The following CEP83 variants were observed in gnomAD, a reference collection of about 807,000 sequenced individuals.
CEP83 encodes centrosomal protein of 83 kDa.
A neutral mutation model predicts 101.9 loss-of-function variants in CEP83; 70 were observed. The observed-to-expected ratio is 0.69, with a 90% CI of 0.57 to 0.84. The LOEUF is 0.84. CEP83 is among the 40% of genes least tolerant of loss of function. CEP83 has a pLI of 0.00. For missense variants in CEP83, 715 were observed against 787.2 expected (o/e 0.91, Z 1.10); for synonymous variants, 264 against 267.9 (o/e 0.99, Z 0.14).
At chr12:94,300,461 G>A in the CEP83 span, among the ~76,000 whole-genome samples, 16 of 152,262 alleles carry the variant, frequency 1.1e-4, no homozygotes, top group Admixed American at 7.2e-4. Flanking sequence ...TGGAATGAGC[G>A]CGGTGAGGAG....
the CEP83 span, chr12:94,272,168 C>T: frequency 6.6e-6 from 1 of 152,120 alleles, no homozygotes; most frequent in Non-Finnish European, 1.5e-5. Context: ...GGCATCATTC[C>T]CAAATCAATC....
At chr12:94,327,953 A>T (rs558902776) in intron 14 of CEP83, among the ~76,000 whole-genome samples, 1 of 152,208 alleles carries the variant, frequency 6.6e-6, no homozygotes, top group Non-Finnish European at 1.5e-5. Flanking sequence ...TTATTTCTCC[A>T]GCAAGATTAT....
intron 2 of CEP83, among the ~76,000 whole-genome samples, chr12:94,423,007 T>C (rs1436373794): frequency 6.6e-6 from 1 of 152,184 alleles, no homozygotes; most frequent in Non-Finnish European, 1.5e-5. Flanking sequence ...AGGTTTATAT[T>C]TAACTTTGTG....
At position 94,310,066 on chromosome 12, in the gene CEP83, C is replaced by CT; in HGVS notation, c.1852dup (p.Arg618LysfsTer10). The CT allele has an allele frequency of 6.2e-7, 1 of 1,603,756 alleles. No homozygotes were observed. The highest frequency in any genetic ancestry group is 8.5e-7 in the Non-Finnish European group (1 of 1,171,926). On this transcript the variant is annotated frameshift_variant, in exon 16 of 17. Transcript: ENST00000397809. LOFTEE classifies it high-confidence loss of function. ...ATGTCTTCTCTGTATATCTTTTAGT[C>CT]TTTTTTGAAGCCTTGTATAGTCTTC...
chr12:94,352,325 C>T (rs1441001926), intron 11 of CEP83, among the ~76,000 whole-genome samples: 1 of 150,560 alleles, frequency 6.6e-6, no homozygotes, highest in Non-Finnish European at 1.5e-5. Flanking sequence ...GAGGCTGTGG[C>T]AGGAAAATCG....
the CEP83 span, chr12:94,282,338 C>T: frequency 5.9e-5 from 96 of 1,614,010 alleles, no homozygotes; most frequent in Middle Eastern, 8.2e-4. Context: ...TTCTGGACAT[C>T]GACAGTTCCT....
intron 1 of CEP83, among the ~76,000 whole-genome samples, chr12:94,446,428 G>A (rs538173259): frequency 3.4e-4 from 51 of 152,096 alleles, no homozygotes; most frequent in Non-Finnish European, 6.9e-4. Context: ...GTTAAGTGAC[G>A]GCCGGGCGTG....
At chr12:94,422,271 C>A (rs555900052) in intron 2 of CEP83, among the ~76,000 whole-genome samples, 1 of 152,326 alleles carries the variant, frequency 6.6e-6, no homozygotes, top group South Asian at 2.1e-4. Context: ...TTATAAATGA[C>A]CCTGTCTCCT....
chr12:94,367,476 T>A (rs2061079353), intron 11 of CEP83, among the ~76,000 whole-genome samples: 1 of 151,918 alleles, frequency 6.6e-6, no homozygotes, highest in East Asian at 1.9e-4. Context: ...GTCAAAGTGT[T>A]CATAAGTTCC....
chr12:94,345,216 C>T (rs2059875425), intron 11 of CEP83, among the ~76,000 whole-genome samples: 1 of 152,086 alleles, frequency 6.6e-6, no homozygotes, highest in Admixed American at 6.6e-5. Flanking sequence ...TAGGCAAAGA[C>T]TTCTTGAAGA....
At chr12:94,287,849 T>C in the CEP83 span, among the ~76,000 whole-genome samples, 4 of 152,234 alleles carry the variant, frequency 2.6e-5, no homozygotes, top group Non-Finnish European at 4.4e-5. Context: ...TCTTGTGTAC[T>C]GGGTACTGTT....
chr12:94,287,608 C>T, the CEP83 span, among the ~76,000 whole-genome samples: 2 of 152,138 alleles, frequency 1.3e-5, no homozygotes, highest in Admixed American at 6.5e-5. Context: ...GTTGTTTAAC[C>T]GCTTTCATTA....
chr12:94,439,386 T>C (rs754293545), intron 1 of CEP83, among the ~76,000 whole-genome samples: 1 of 152,040 alleles, frequency 6.6e-6, no homozygotes. Flanking sequence ...TGCTTTTGTA[T>C]GGCTACTATG....
intron 6 of CEP83, among the ~76,000 whole-genome samples, chr12:94,386,651 A>C (rs551332297): frequency 6.6e-6 from 1 of 152,142 alleles, no homozygotes; most frequent in Admixed American, 6.6e-5. Context: ...CAATGTCTGA[A>C]AACTGTGGTT....
chr12:94,356,500 T>C (rs754209532), intron 11 of CEP83, among the ~76,000 whole-genome samples: 10 of 152,216 alleles, frequency 6.6e-5, no homozygotes, highest in South Asian at 2.1e-4. Context: ...CCTCGAGCGA[T>C]GGCTCTTAGT....
chr12:94,334,624 A>C, intron 12 of CEP83, among the ~76,000 whole-genome samples: 1 of 152,316 alleles, frequency 6.6e-6, no homozygotes, highest in Non-Finnish European at 1.5e-5. Flanking sequence ...ATTCTTATAT[A>C]ATAAACAAAA....
intron 11 of CEP83, among the ~76,000 whole-genome samples, chr12:94,360,188 T>C (rs1445347218): frequency 2.0e-5 from 3 of 152,040 alleles, no homozygotes; most frequent in Non-Finnish European, 4.4e-5. Flanking sequence ...AAAAAAACAT[T>C]GAAAGCTTTT....
At chr12:94,402,239 T>C (rs1478942321) in intron 5 of CEP83, 1 of 152,148 alleles carries the variant, frequency 6.6e-6, no homozygotes, top group Non-Finnish European at 1.5e-5. Context: ...CAAATATTAA[T>C]TGAGCACCTA....
chr12:94,350,645 A>C (rs1316778063), intron 11 of CEP83, among the ~76,000 whole-genome samples: 1 of 152,180 alleles, frequency 6.6e-6, no homozygotes, highest in Non-Finnish European at 1.5e-5. Context: ...AATGAACTCC[A>C]TGAAAATAAA....
Sources: gnomAD v4.1 joint callset for allele counts (sites outside exome capture counted in the v4.1 genomes callset) on GRCh38, gnomAD v4.1.1 for gene constraint, MANE v1.5 for transcripts, NCBI Gene and HGNC (gene_info 2026-07-23, HGNC 2026-07-21) for gene names.